The following RMST variants were observed in gnomAD, a reference collection of about 807,000 sequenced individuals.
RMST encodes the protein long intergenic non-protein coding RNA 54.
chr12:97,464,694 T>G (rs1872964504), intron 4 of RMST: 2 of 152,194 alleles, frequency 1.3e-5, no homozygotes, highest in Non-Finnish European at 2.9e-5. Flanking sequence ...GAGGCCCAAG[T>G]CCTGTTGGTG....
chr12:97,534,090 G>A (rs939177008), intron 11 of RMST, among the ~76,000 whole-genome samples: 2 of 151,674 alleles, frequency 1.3e-5, no homozygotes, highest in African/African-American at 4.8e-5. Context: ...TTTGCTGTAA[G>A]GATAATTTCC....
intron 10 of RMST, among the ~76,000 whole-genome samples, chr12:97,509,224 A>C (rs1446828856): frequency 1.3e-5 from 2 of 152,208 alleles, no homozygotes; most frequent in African/African-American, 4.8e-5. Flanking sequence ...TTATTTATAA[A>C]GATTTCACCA....
chr12:97,494,311 A>G (rs1877170196), intron 8 of RMST, among the ~76,000 whole-genome samples: 2 of 152,170 alleles, frequency 1.3e-5, no homozygotes. Flanking sequence ...CAAAGTAGAA[A>G]ATTGACAAAT....
chr12:97,556,033 C>G (rs1883684929), intron 11 of RMST, among the ~76,000 whole-genome samples: 1 of 152,188 alleles, frequency 6.6e-6, no homozygotes, highest in South Asian at 2.1e-4. Context: ...AATCTACAAC[C>G]ATGACAACTT....
chr12:97,523,362 G>T (rs538760413), intron 10 of RMST, among the ~76,000 whole-genome samples: 1 of 152,234 alleles, frequency 6.6e-6, no homozygotes, highest in East Asian at 1.9e-4. Flanking sequence ...AATAGGGAGA[G>T]ATTAGTCAAG....
exon 12 of RMST, chr12:97,560,616 C>G (rs545981093): frequency 6.6e-6 from 1 of 152,116 alleles, no homozygotes; most frequent in Non-Finnish European, 1.5e-5. Context: ...GATAAGTCGA[C>G]GGAGGCAGAA....
intron 11 of RMST, among the ~76,000 whole-genome samples, chr12:97,557,385 G>T (rs1883780947): frequency 6.6e-6 from 1 of 152,086 alleles, no homozygotes; most frequent in African/African-American, 2.4e-5. Context: ...CATGTGTGAG[G>T]TGTGCATACT....
chr12:97,544,793 G>C (rs1188440064), intron 11 of RMST, among the ~76,000 whole-genome samples: 1 of 151,948 alleles, frequency 6.6e-6, no homozygotes, highest in South Asian at 2.1e-4. Context: ...CCATTAAAAA[G>C]TCACATGACT....
chr12:97,477,251 G>A (rs1874661931), intron 5 of RMST, among the ~76,000 whole-genome samples: 1 of 152,192 alleles, frequency 6.6e-6, no homozygotes, highest in Non-Finnish European at 1.5e-5. Context: ...ACCTAAGGAG[G>A]AAGTAGATGT....
intron 11 of RMST, chr12:97,533,400 A>C (rs1881827163): frequency 6.6e-6 from 1 of 151,810 alleles, no homozygotes; most frequent in Admixed American, 6.6e-5. Flanking sequence ...TTGCTTATGA[A>C]GCAGTTTCTA....
chr12:97,503,740 C>A (rs1565925351), intron 10 of RMST, among the ~76,000 whole-genome samples: 1 of 152,154 alleles, frequency 6.6e-6, no homozygotes, highest in African/African-American at 2.4e-5. Context: ...TCCCTGCATG[C>A]TTCAGGAAAG....
At chr12:97,483,448 G>T (rs1199640222) in intron 5 of RMST, 1 of 152,136 alleles carries the variant, frequency 6.6e-6, no homozygotes, top group Non-Finnish European at 1.5e-5. Flanking sequence ...GTTAACATGG[G>T]CATAATGTTC....
chr12:97,520,222 T>C (rs1880373480), intron 10 of RMST, among the ~76,000 whole-genome samples: 1 of 152,186 alleles, frequency 6.6e-6, no homozygotes, highest in Non-Finnish European at 1.5e-5. Context: ...CCTGGTCTCC[T>C]GTAGGTTTGG....
chr12:97,558,408 G>A (rs1462661309), intron 11 of RMST, among the ~76,000 whole-genome samples: 1 of 152,142 alleles, frequency 6.6e-6, no homozygotes, highest in Non-Finnish European at 1.5e-5. Context: ...ATTCAAATCT[G>A]CCTTCTATCT....
intron 5 of RMST, among the ~76,000 whole-genome samples, chr12:97,478,976 G>T (rs1874885814): frequency 1.3e-5 from 2 of 151,970 alleles, no homozygotes; most frequent in Non-Finnish European, 2.9e-5. Flanking sequence ...GTGCTCCGTG[G>T]CTCAAGTGCA....
intron 10 of RMST, among the ~76,000 whole-genome samples, chr12:97,501,813 G>A (rs958449634): frequency 1.1e-4 from 17 of 152,170 alleles, no homozygotes; most frequent in African/African-American, 4.1e-4. Context: ...GAAAATAGAT[G>A]AGAGAACAAG....
chr12:97,472,757 C>A (rs1874075278), intron 5 of RMST, among the ~76,000 whole-genome samples: 1 of 152,112 alleles, frequency 6.6e-6, no homozygotes, highest in African/African-American at 2.4e-5. Context: ...TGTAATTTTT[C>A]ATTCCAAATT....
intron 5 of RMST, among the ~76,000 whole-genome samples, chr12:97,477,551 G>T (rs2136408156): frequency 6.6e-6 from 1 of 152,228 alleles, no homozygotes; most frequent in Middle Eastern, 3.4e-3. Context: ...TAACACTACA[G>T]AGAGGAGGAT....
intron 10 of RMST, among the ~76,000 whole-genome samples, chr12:97,513,779 A>G (rs1328854083): frequency 6.6e-6 from 1 of 152,230 alleles, no homozygotes; most frequent in Admixed American, 6.5e-5. Flanking sequence ...AGATAATGCC[A>G]TGAATTTTTC....
Sources: allele counts gnomAD v4.1 joint callset (sites outside exome capture counted in the v4.1 genomes callset), GRCh38; gene constraint gnomAD v4.1.1; transcripts MANE v1.5; gene names NCBI Gene and HGNC (gene_info 2026-07-23, HGNC 2026-07-21).